The following CDH6 variants were observed in gnomAD, a reference collection of about 807,000 sequenced individuals.
The protein encoded by CDH6 is cadherin 6.
In CDH6, 31 loss-of-function variants were observed where a neutral mutation model predicts 78.0. The observed-to-expected ratio is 0.40, with a 90% CI of 0.30 to 0.54. The LOEUF is 0.54. CDH6 is among the 20% of genes least tolerant of loss of function. The pLI, the probability that CDH6 is intolerant of heterozygous loss-of-function variation, is 0.56. For synonymous variants in CDH6, 376 were observed against 368.8 expected (o/e 1.02, Z -0.23); for missense variants, 724 against 975.9 (o/e 0.74, Z 3.44).
At chr5:31,248,998 T>G (rs569677554) in intron 1 of CDH6, among the ~76,000 whole-genome samples, 7 of 147,210 alleles carry the variant, frequency 4.8e-5, no homozygotes, top group South Asian at 2.1e-4. Flanking sequence ...ATGCAGAGGG[T>G]TTTTTTTCCC....
intron 1 of CDH6, among the ~76,000 whole-genome samples, chr5:31,215,113 G>A (rs1044814280): frequency 3.3e-5 from 5 of 152,194 alleles, no homozygotes; most frequent in Non-Finnish European, 7.3e-5. Context: ...CAACTAGTTA[G>A]TGATGCTTTC....
At chr5:31,316,397 T>C in intron 9 of CDH6, 68 bp downstream of exon 9, 1 of 1,371,138 alleles carries the variant, frequency 7.3e-7, no homozygotes, top group Non-Finnish European at 1.0e-6. Context: ...ATCATTCAGA[T>C]GATTCACAGA....
chr5:31,314,989 C>T (rs368436430), intron 8 of CDH6, among the ~76,000 whole-genome samples: 4 of 152,242 alleles, frequency 2.6e-5, no homozygotes, highest in Admixed American at 2.0e-4. Flanking sequence ...TTTGATATAA[C>T]AGAAACCAAA....
At chr5:31,302,943 G>GAAAGAAAGAAAGA (rs1554010050) in intron 6 of CDH6, among the ~76,000 whole-genome samples, 4 of 130,228 alleles carry the variant, frequency 3.1e-5, no homozygotes, top group Non-Finnish European at 6.9e-5. Context: ...AAGAAAGAAA[G>GAAAGAAAGAAAGA]AAAGAAAGAA....
intron 11 of CDH6, 39 bp from the exon 12 acceptor site, chr5:31,322,779 A>T (rs1738504625): frequency 6.3e-7 from 1 of 1,574,848 alleles, no homozygotes; most frequent in African/African-American, 1.4e-5. Context: ...GCAGCAAATT[A>T]ACTTTTCCTT....
chr5:31,251,725 A>C (rs1297469234), intron 1 of CDH6: 1 of 152,208 alleles, frequency 6.6e-6, no homozygotes. Context: ...TTAGAATAGC[A>C]ACTCCCTTAG....
chr5:31,289,465 C>A (rs1482059252), intron 2 of CDH6, among the ~76,000 whole-genome samples: 1 of 152,130 alleles, frequency 6.6e-6, no homozygotes, highest in East Asian at 1.9e-4. Flanking sequence ...AGAATGATTT[C>A]TTTTCCTTTG....
chr5:31,203,960 A>G (rs1740441605), intron 1 of CDH6, among the ~76,000 whole-genome samples: 1 of 152,172 alleles, frequency 6.6e-6, no homozygotes. Context: ...TTAAGACAAC[A>G]GAATGAAGTG....
At chr5:31,252,258 A>G (rs1298948581) in intron 1 of CDH6, among the ~76,000 whole-genome samples, 2 of 152,158 alleles carry the variant, frequency 1.3e-5, no homozygotes, top group Non-Finnish European at 2.9e-5. Context: ...TACGGGAACC[A>G]CAACATCTTC....
intron 2 of CDH6, among the ~76,000 whole-genome samples, chr5:31,271,109 A>G (rs1276510587): frequency 1.3e-5 from 2 of 152,226 alleles, no homozygotes; most frequent in Admixed American, 1.3e-4. Flanking sequence ...ACTGAGGAAA[A>G]GTAATGCTGT....
chr5:31,232,738 C>A (rs1163975050), intron 1 of CDH6, among the ~76,000 whole-genome samples: 1 of 152,156 alleles, frequency 6.6e-6, no homozygotes, highest in African/African-American at 2.4e-5. Context: ...TTATTAATTA[C>A]AATATCATCT....
chr5:31,243,673 C>T (rs747433307), intron 1 of CDH6, among the ~76,000 whole-genome samples: 3 of 152,174 alleles, frequency 2.0e-5, no homozygotes, highest in Non-Finnish European at 4.4e-5. Flanking sequence ...GGCATCATAG[C>T]ATCTCCAGCT....
intron 1 of CDH6, among the ~76,000 whole-genome samples, chr5:31,218,243 C>CA (rs1301801143): frequency 2.6e-5 from 4 of 151,572 alleles, no homozygotes; most frequent in Non-Finnish European, 5.9e-5. Flanking sequence ...GATAAATTCA[C>CA]AAAAACAGAA....
chr5:31,220,922 A>G (rs1222277707), intron 1 of CDH6, among the ~76,000 whole-genome samples: 2 of 151,122 alleles, frequency 1.3e-5, no homozygotes, highest in Non-Finnish European at 3.0e-5. Context: ...ATTTTTTTCC[A>G]TGGGGCATCA....
intron 5 of CDH6, 79 bp downstream of exon 5, chr5:31,299,710 T>C: frequency 7.9e-7 from 1 of 1,263,596 alleles, no homozygotes; most frequent in East Asian, 2.4e-5. Context: ...TTTTCCATTG[T>C]CATCATTATT....
At chr5:31,246,388 A>G (rs1483368196) in intron 1 of CDH6, among the ~76,000 whole-genome samples, 1 of 152,210 alleles carries the variant, frequency 6.6e-6, no homozygotes, top group African/African-American at 2.4e-5. Flanking sequence ...TAAAATGTCA[A>G]GGATAATTTA....
intron 1 of CDH6, among the ~76,000 whole-genome samples, chr5:31,243,996 G>A (rs759256849): frequency 6.6e-6 from 1 of 152,158 alleles, no homozygotes; most frequent in African/African-American, 2.4e-5. Flanking sequence ...GGCCAATTTT[G>A]TACAGTCTTG....
intron 7 of CDH6, among the ~76,000 whole-genome samples, 187 bp downstream of exon 7, chr5:31,305,614 A>G (rs1193174498): frequency 6.6e-6 from 1 of 152,214 alleles, no homozygotes; most frequent in Admixed American, 6.5e-5. Context: ...TTTTGGCAGA[A>G]GTACAGTAGT....
chr5:31,313,445 A>G lies in CDH6; in HGVS notation c.1381A>G (p.Thr461Ala), dbSNP rs746641388. ...ATGGCACAACATTACAGTGATAGCA[A>G]CAGAGATCAGTAAGTCCTACCTAAT... ...LLWHNITVIA[T>A]EINNPKQSSR... The change falls in exon 8 of 12, where the codon ACA becomes GCA. Residue 461 changes from threonine (T) to alanine (A), a missense_variant. Thr to Ala is a moderately conservative substitution (Grantham distance 58, BLOSUM62 0). Around this residue, in one of 3 missense-constraint regions of CDH6, gnomAD observed 446 missense variants for 684.5 expected, o/e 0.65. Transcript: ENST00000265071. 1 of 1,613,918 alleles carries G rather than the reference A, an allele frequency of 6.2e-7. No individual in the cohort carries two copies. The highest frequency in any genetic ancestry group is 1.1e-5 in the South Asian group (1 of 91,044).
Sources: gnomAD v4.1 joint callset for allele counts (sites outside exome capture counted in the v4.1 genomes callset) on GRCh38, gnomAD v4.1.1 for gene constraint, gnomAD v4.1.1 regional missense constraint, MANE v1.5 for transcripts, NCBI Gene and HGNC (gene_info 2026-07-23, HGNC 2026-07-21) for gene names.